ATP8A2: variants seen among roughly 807,000 people sequenced by gnomAD.
ATP8A2 encodes the protein ATPase phospholipid transporting 8A2, also known as phospholipid-transporting ATPase IB.
In ATP8A2, 100 loss-of-function variants were observed where a neutral mutation model predicts 165.6. That is an observed-to-expected ratio of 0.60 (90% CI 0.51 to 0.71). ATP8A2 has a LOEUF of 0.71. Among genes scored for constraint, ATP8A2 ranks in the 30% least tolerant of loss-of-function variants. ATP8A2 has a pLI of 0.00. For missense variants in ATP8A2, 1,227 were observed against 1,479.5 expected (o/e 0.83, Z 2.80); for synonymous variants, 543 against 548.8 (o/e 0.99, Z 0.15).
At chr13:25,721,677 G>A (rs912860651) in intron 25 of ATP8A2, among the ~76,000 whole-genome samples, 1 of 152,072 alleles carries the variant, frequency 6.6e-6, no homozygotes, top group Non-Finnish European at 1.5e-5. Context: ...CCCATTTCTT[G>A]TAAATGGAAT....
intron 2 of ATP8A2, among the ~76,000 whole-genome samples, chr13:25,484,494 A>ATTAT (rs1271000381): frequency 4.4e-4 from 67 of 152,042 alleles, no homozygotes; most frequent in African/African-American, 1.4e-3. Flanking sequence ...ATAAAGGAAT[A>ATTAT]TTATTTATTT....
intron 27 of ATP8A2, among the ~76,000 whole-genome samples, chr13:25,826,144 A>T (rs1323229830): frequency 6.6e-6 from 1 of 152,238 alleles, no homozygotes; most frequent in Admixed American, 6.5e-5. Flanking sequence ...TATGTTAGTT[A>T]GAATGACTTA....
At position 25,828,074 on chromosome 13, in the gene ATP8A2, G is replaced by A. The variant is rs199594238; in HGVS notation, c.2680-44G>A. On this transcript the variant is annotated intron_variant, in intron 27 of 36. Transcript: ENST00000381655. ...CTTCTTCAGTGAATGGAAACATTTA[G>A]GTCAATATTGATATAAAACTTCATG... 4 of 1,476,220 alleles carry A rather than the reference G, an allele frequency of 2.7e-6. No homozygotes were observed. The East Asian group carries it at 6.8e-5, about 25-fold the overall frequency. The allele number at this position is 1,476,220 out of a possible 1,614,324, so 91.4% of individuals were successfully genotyped here. A position where few individuals can be genotyped will look rare whatever the true frequency, so the allele number is the denominator to read the frequency against.
Position 25,704,337 on chromosome 13 carries a change from C to CTTTTTTTTT in ATP8A2, c.2384+5000_2384+5008dup, listed in dbSNP as rs67458818. Reference sequence around the variant, plus strand: ...TCTGTACATCCAACCACATCTAGGACTTTTTTTTTTTTTTTTGAGGCAGTC... The same window carrying CTTTTTTTTT: ...TCTGTACATCCAACCACATCTAGGACTTTTTTTTTTTTTTTTTTTTTTTTTGAGGCAGTC... On this transcript the variant is annotated intron_variant, in intron 25 of 36. Transcript: ENST00000381655. Among the ~76,000 whole-genome samples the CTTTTTTTTT allele has an allele frequency of 3.7e-3, 506 of 137,564 alleles. 4 individuals are homozygous for CTTTTTTTTT. Among genetic ancestry groups the CTTTTTTTTT allele is most frequent in the African/African-American group, 0.011 (413 of 37,434 alleles). The allele number at this position is 137,564 out of a possible 152,430, so 90.2% of individuals were successfully genotyped here. A position where few individuals can be genotyped will look rare whatever the true frequency, so the allele number is the denominator to read the frequency against.
intron 1 of ATP8A2, among the ~76,000 whole-genome samples, chr13:25,443,562 T>C (rs1485426560): frequency 2.6e-5 from 4 of 152,232 alleles, no homozygotes; most frequent in Non-Finnish European, 4.4e-5. Context: ...AAAAACAAAC[T>C]ACACATGGAA....
In ATP8A2 at chr13:25,543,292, C is replaced by G. The variant is rs1261608142; in HGVS notation, c.781C>G (p.Leu261Val). ...TGNLNLDGKSLVALGPDQILL... is the reference protein window; with the variant it reads ...TGNLNLDGKSVVALGPDQILL... The stretch of plus-strand genomic sequence containing the variant: ...ATCATTGTTGTTTTTTATTTTTAGC[C>G]TTGTTGCCCTTGGGCCTGACCAGAT... Residue 261 changes from leucine to valine, a missense_variant and splice_region_variant, in exon 10 of 37, where the codon CTT becomes GTT. Physicochemically the swap from Leu to Val is conservative, Grantham distance 32. Transcript: ENST00000381655. 7.6e-6 allele frequency: 12 copies of G among 1,580,358 alleles called. No homozygotes were observed. The highest frequency in any genetic ancestry group is 1.0e-5 in the Non-Finnish European group (12 of 1,155,582).
In ATP8A2 at chr13:25,824,854, T is replaced by C. The variant is rs377415881; in HGVS notation, c.2680-3264T>C. On this transcript the variant is annotated intron_variant, in intron 27 of 36. Coordinates refer to ENST00000381655, the MANE Select transcript of ATP8A2 (RefSeq NM_016529.6). ...GGAAAAAGCATATTGCCCTTCAGCT[T>C]TAATTTGCCTGCTGTGTTGAATCCA... Among the ~76,000 whole-genome samples the C allele has an allele frequency of 3.3e-5, 5 of 152,174 alleles. No homozygotes were observed. The East Asian group carries it at 9.6e-4, about 29-fold the overall frequency.
chr13:25,599,374 G>C (rs114832279), intron 24 of ATP8A2, among the ~76,000 whole-genome samples: 1,977 of 152,296 alleles, frequency 0.013, 43 homozygotes, highest in African/African-American at 0.046. Context: ...AGCTTCAGCT[G>C]TCATCGGCTC....
chr13:25,785,866 G>A (rs188799082), intron 27 of ATP8A2, among the ~76,000 whole-genome samples: 12 of 152,296 alleles, frequency 7.9e-5, no homozygotes, highest in African/African-American at 2.6e-4. Flanking sequence ...GAGGACACGG[G>A]AATTCGTGAC....
intron 24 of ATP8A2, among the ~76,000 whole-genome samples, chr13:25,615,879 C>T (rs1019197616): frequency 6.6e-6 from 1 of 152,164 alleles, no homozygotes; most frequent in East Asian, 1.9e-4. Context: ...TTTGGGCACT[C>T]ACAGTTTTTT....
At chr13:25,838,166 A>G (rs550254182) in intron 29 of ATP8A2, among the ~76,000 whole-genome samples, 3 of 152,296 alleles carry the variant, frequency 2.0e-5, no homozygotes, top group Admixed American at 1.3e-4. Context: ...ATTTGCGTGC[A>G]TGGTTCCTGG....
chr13:25,707,949 A>T (rs570054686), intron 25 of ATP8A2, among the ~76,000 whole-genome samples: 78 of 152,298 alleles, frequency 5.1e-4, no homozygotes, highest in Non-Finnish European at 9.7e-4. Context: ...TCTCCCATCC[A>T]TCCGCTCTGC....
intron 25 of ATP8A2, among the ~76,000 whole-genome samples, chr13:25,700,617 T>G (rs554175539): frequency 5.9e-5 from 9 of 152,248 alleles, no homozygotes; most frequent in Non-Finnish European, 1.2e-4. Context: ...TATGAGAATT[T>G]GGGTTTTTTA....
intron 24 of ATP8A2, among the ~76,000 whole-genome samples, chr13:25,676,322 A>C (rs181540314): frequency 1.3e-5 from 2 of 152,268 alleles, no homozygotes; most frequent in Non-Finnish European, 2.9e-5. Flanking sequence ...ATATTTCTAC[A>C]TTTGCTATCC....
At chr13:25,911,838 G>T (rs899625767) in intron 33 of ATP8A2, among the ~76,000 whole-genome samples, 1 of 152,078 alleles carries the variant, frequency 6.6e-6, no homozygotes, top group African/African-American at 2.4e-5. Flanking sequence ...CTTACAGATC[G>T]TTTTGCCTGG....
intron 2 of ATP8A2, among the ~76,000 whole-genome samples, chr13:25,504,963 T>G (rs1266793842): frequency 6.6e-6 from 1 of 152,134 alleles, no homozygotes; most frequent in Non-Finnish European, 1.5e-5. Flanking sequence ...AGAATTGTAT[T>G]TTTTTAGTGA....
In ATP8A2 at chr13:25,641,037, G is replaced by A. The variant is rs143544465; in HGVS notation, c.2211+51338G>A. On this transcript the variant is annotated intron_variant, in intron 24 of 36. Coordinates refer to ENST00000381655, the MANE Select transcript of ATP8A2 (RefSeq NM_016529.6). ...GATCTCAATAGATGCAGAAAAAGCC[G>A]TTGACAAAATTCAACAGCCCTTCTT... Among the ~76,000 whole-genome samples the A allele has an allele frequency of 5.2e-3, 784 of 152,210 alleles. 9 individuals carry two copies. Among genetic ancestry groups the A allele is most frequent in the African/African-American group, 0.016 (672 of 41,568 alleles).
At chr13:25,425,155 T>C (rs562906091) in intron 1 of ATP8A2, among the ~76,000 whole-genome samples, 1 of 152,298 alleles carries the variant, frequency 6.6e-6, no homozygotes, top group African/African-American at 2.4e-5. Context: ...CCCTGAAATA[T>C]ATACTCTGTG....
chr13:25,792,978 G>T (rs942062218), intron 27 of ATP8A2, among the ~76,000 whole-genome samples: 3 of 149,892 alleles, frequency 2.0e-5, no homozygotes, highest in Middle Eastern at 6.3e-3. Context: ...GAGGGGAGGA[G>T]AGGAGAGGAG....
Sources: allele counts gnomAD v4.1 joint callset (sites outside exome capture counted in the v4.1 genomes callset), GRCh38; gene constraint gnomAD v4.1.1; transcripts MANE v1.5; gene names NCBI Gene and HGNC (gene_info 2026-07-23, HGNC 2026-07-21).